EYA4: variants seen among roughly 807,000 people sequenced by gnomAD.
The protein encoded by EYA4 is protein phosphatase EYA4.
In EYA4, 31 loss-of-function variants were observed where a neutral mutation model predicts 87.9. The ratio of observed to expected loss-of-function variants is 0.35; its 90% CI spans 0.27 to 0.48. EYA4 has a LOEUF of 0.48. EYA4 is among the 20% of genes least tolerant of loss of function. The probability of loss-of-function intolerance (pLI) is 0.99; values close to 1 mark genes in which losing one functional copy is unlikely to be tolerated. For synonymous variants in EYA4, 263 were observed against 270.6 expected, an observed-to-expected ratio of 0.97 and a Z score of 0.28; for missense variants, 678 against 761.4, an observed-to-expected ratio of 0.89 and a Z score of 1.29.
At chr6:133,480,835 G>T (rs1796146290) in intron 11 of EYA4, among the ~76,000 whole-genome samples, 1 of 152,072 alleles carries the variant, frequency 6.6e-6, no homozygotes, top group African/African-American at 2.4e-5. Flanking sequence ...ACTATTCTAA[G>T]AAGTTTTATG....
Position 133,515,402 on chromosome 6 carries a change from A to G in EYA4, c.1583A>G (p.Asn528Ser). ...IEGLTDSWLT[N>S]ALKSLSIIST... ...GGTCTGACAGATTCCTGGCTAACAA[A>G]TGCACTTAAGTCTTTATCAATTATT... Residue 528 changes from asparagine (N) to serine (S), a missense_variant, in exon 17 of 20, where the codon AAT becomes AGT. Transcript: ENST00000355286. 6.2e-7 allele frequency: 1 copy of G among 1,609,922 alleles called. No homozygotes were observed. The highest frequency in any genetic ancestry group is 8.5e-7 in the Non-Finnish European group (1 of 1,176,148).
intron 2 of EYA4, among the ~76,000 whole-genome samples, chr6:133,307,416 G>C (rs1355933362): frequency 1.3e-5 from 2 of 152,182 alleles, no homozygotes; most frequent in African/African-American, 4.8e-5. Context: ...GGTTTTGACA[G>C]TTTGAAAGGA....
chr6:133,424,650 G>A (rs766191835), intron 3 of EYA4, among the ~76,000 whole-genome samples: 1 of 142,204 alleles, frequency 7.0e-6, no homozygotes, highest in Non-Finnish European at 1.5e-5. Context: ...TGGAAGGGGC[G>A]GGACTCCTAC....
In EYA4 at chr6:133,481,496, C is replaced by A; in HGVS notation, c.1004C>A (p.Pro335His). The change falls in exon 12 of 20, where the codon CCC becomes CAC. Residue 335 changes from proline (P) to histidine (H), a missense_variant. Transcript: ENST00000355286. The stretch of plus-strand genomic sequence containing the variant: ...GATACCATGCAGAGTCCCTCCACAC[C>A]CATCAAAGATCTTGATGAGAGAACC... Reference protein sequence around the residue: ...EFDTMQSPSTPIKDLDERTCR... With the variant: ...EFDTMQSPSTHIKDLDERTCR... 1 of 1,613,186 alleles carries A rather than the reference C, an allele frequency of 6.2e-7. No individual in the cohort carries two copies. Among genetic ancestry groups the A allele is most frequent in the Non-Finnish European group, 8.5e-7 (1 of 1,179,248 alleles).
intron 2 of EYA4, among the ~76,000 whole-genome samples, chr6:133,308,355 C>T (rs1779964787): frequency 6.6e-6 from 1 of 152,156 alleles, no homozygotes; most frequent in Admixed American, 6.5e-5. Context: ...GGAGCTGAAT[C>T]CATGACTTCT....
At chr6:133,249,871 A>C (rs1214360741) in intron 1 of EYA4, among the ~76,000 whole-genome samples, 1 of 152,244 alleles carries the variant, frequency 6.6e-6, no homozygotes, top group Non-Finnish European at 1.5e-5. Context: ...AATGTAATAG[A>C]TTACATTAGT....
intron 19 of EYA4, among the ~76,000 whole-genome samples, chr6:133,526,516 T>G (rs1381024908): frequency 6.6e-6 from 1 of 152,212 alleles, no homozygotes; most frequent in African/African-American, 2.4e-5. Context: ...ACTTCCACTT[T>G]AGAAGTTTTG....
At chr6:133,392,098 A>G (rs979206956) in intron 3 of EYA4, among the ~76,000 whole-genome samples, 1 of 152,162 alleles carries the variant, frequency 6.6e-6, no homozygotes, top group Non-Finnish European at 1.5e-5. Context: ...CTGCAAAGTA[A>G]GAGGAACTCA....
intron 3 of EYA4, among the ~76,000 whole-genome samples, chr6:133,388,777 A>G (rs1297217286): frequency 6.6e-6 from 1 of 152,222 alleles, no homozygotes; most frequent in Non-Finnish European, 1.5e-5. Context: ...GCATTTCTTC[A>G]TTCATACCGT....
intron 13 of EYA4, 75 bp from the exon 14 acceptor site, chr6:133,506,031 A>G: frequency 8.0e-6 from 7 of 879,456 alleles, no homozygotes; most frequent in East Asian, 2.4e-5. Flanking sequence ...CACCACAGCA[A>G]TATGTGCTTA....
At chr6:133,426,304 A>G (rs1351218266) in intron 3 of EYA4, among the ~76,000 whole-genome samples, 1 of 152,238 alleles carries the variant, frequency 6.6e-6, no homozygotes, top group Non-Finnish European at 1.5e-5. Flanking sequence ...TGGGTGCTGA[A>G]TAAATATGAG....
At chr6:133,441,437 T>G in intron 3 of EYA4, among the ~76,000 whole-genome samples, 1 of 152,234 alleles carries the variant, frequency 6.6e-6, no homozygotes, top group East Asian at 1.9e-4. Flanking sequence ...AATTTTCTTT[T>G]TAATTCTCAG....
At chr6:133,267,173 A>T (rs1776288036) in intron 1 of EYA4, among the ~76,000 whole-genome samples, 1 of 152,202 alleles carries the variant, frequency 6.6e-6, no homozygotes. Flanking sequence ...TCTGTATTAT[A>T]TTGGAGAAAA....
chr6:133,441,356 A>C (rs919785297), intron 3 of EYA4, among the ~76,000 whole-genome samples: 1 of 152,192 alleles, frequency 6.6e-6, no homozygotes, highest in African/African-American at 2.4e-5. Flanking sequence ...TCTTCTCCCT[A>C]TGCAATATAG....
chr6:133,243,280 C>G (rs1370771898), intron 1 of EYA4, among the ~76,000 whole-genome samples: 1 of 152,202 alleles, frequency 6.6e-6, no homozygotes, highest in Non-Finnish European at 1.5e-5. Context: ...TCATACTTAA[C>G]AGTTTTCTTT....
chr6:133,338,202 A>G (rs1191417208), intron 2 of EYA4, among the ~76,000 whole-genome samples: 1 of 152,194 alleles, frequency 6.6e-6, no homozygotes, highest in African/African-American at 2.4e-5. Flanking sequence ...CAAGTAATAG[A>G]TACCCATTTT....
intron 13 of EYA4, among the ~76,000 whole-genome samples, chr6:133,497,133 AT>A (rs1797711768): frequency 6.6e-6 from 1 of 152,082 alleles, no homozygotes; most frequent in African/African-American, 2.4e-5. Flanking sequence ...ACCCTGTGTG[AT>A]TGATTGGTAC....
At chr6:133,525,692 T>C (rs1800581870) in intron 19 of EYA4, among the ~76,000 whole-genome samples, 2 of 152,268 alleles carry the variant, frequency 1.3e-5, no homozygotes, top group South Asian at 2.1e-4. Context: ...TAGAGATTAA[T>C]GAGCTCCATA....
Position 133,241,527 on chromosome 6 carries a change from C to T in EYA4, c.-288C>T, listed in dbSNP as rs906302630. The stretch of plus-strand genomic sequence containing the variant: ...GGAGTTTTGGCTCCTCTCCTTTCCT[C>T]CTCCCCCTCGGAGCCGGCTTCTCCC... On this transcript the variant is annotated 5_prime_UTR_variant, in exon 1 of 20. Transcript: ENST00000355286. The T allele has an allele frequency of 6.6e-5, 10 of 152,484 alleles. No homozygotes were observed. Among genetic ancestry groups the T allele is most frequent in the African/African-American group, 2.4e-4 (10 of 41,578 alleles). The allele number at this position is 152,484 out of a possible 1,614,324, so 9.4% of individuals were successfully genotyped here.
Sources: allele counts gnomAD v4.1 joint callset (sites outside exome capture counted in the v4.1 genomes callset), GRCh38; gene constraint gnomAD v4.1.1; transcripts MANE v1.5; gene names NCBI Gene and HGNC (gene_info 2026-07-23, HGNC 2026-07-21).